Variants in KCNQ4 observed in about 807,000 individuals in gnomAD.
KCNQ4 encodes the protein potassium voltage-gated channel subfamily KQT member 4.
A neutral mutation model predicts 72.6 loss-of-function variants in KCNQ4; 31 were observed. That is an observed-to-expected ratio of 0.43 (90% CI 0.32 to 0.58). KCNQ4 has a LOEUF of 0.58. Among genes scored for constraint, KCNQ4 ranks in the 20% least tolerant of loss-of-function variants. The probability of loss-of-function intolerance (pLI) is 0.08; values close to 1 mark genes in which losing one functional copy is unlikely to be tolerated. For synonymous variants in KCNQ4, 405 were observed against 403.7 expected, an observed-to-expected ratio of 1.00 and a Z score of -0.04; for missense variants, 869 against 962.6, an observed-to-expected ratio of 0.90 and a Z score of 1.29.
chr1:40,789,415 C>G (rs1023594134), intron 1 of KCNQ4, among the ~76,000 whole-genome samples: 11 of 152,156 alleles, frequency 7.2e-5, no homozygotes, highest in African/African-American at 2.7e-4. Context: ...GAACTTTGCC[C>G]TTGTGATTGG....
intron 1 of KCNQ4, among the ~76,000 whole-genome samples, chr1:40,816,524 C>A (rs1360155090): frequency 1.3e-5 from 2 of 152,152 alleles, no homozygotes; most frequent in Non-Finnish European, 2.9e-5. Flanking sequence ...TCGTGGTGCA[C>A]TGGGGGATGA....
chr1:40,784,734 T>G lies in KCNQ4; in HGVS notation c.314+327T>G, dbSNP rs1647186365. Among the ~76,000 whole-genome samples the G allele has an allele frequency of 6.6e-6, 1 of 152,198 alleles. No individual in the cohort carries two copies. On this transcript the variant is annotated intron_variant, in intron 1 of 13. Coordinates refer to ENST00000347132, the MANE Select transcript of KCNQ4 (RefSeq NM_004700.4). This position sits in a 1 kb window ranked among gnomAD's most constrained non-coding sequence, Gnocchi z 4.1. ...TCCCCCAAGTCCGCTTGGCGAAGTC[T>G]GGGGCCCCTGGAGTGGGCGCCCTTT...
chr1:40,801,123 T>C (rs1647560580), intron 1 of KCNQ4, among the ~76,000 whole-genome samples: 2 of 111,000 alleles, frequency 1.8e-5, no homozygotes, highest in Admixed American at 2.3e-4. Flanking sequence ...GTAAGTGGAC[T>C]GGAGGTGGGG....
intron 7 of KCNQ4, among the ~76,000 whole-genome samples, chr1:40,821,071 C>T (rs981742577): frequency 2.6e-5 from 4 of 152,308 alleles, no homozygotes; most frequent in East Asian, 3.9e-4. Flanking sequence ...TCCTCCCTGT[C>T]GCTGTTATCT....
chr1:40,816,298 C>T (rs1295147781), intron 1 of KCNQ4, among the ~76,000 whole-genome samples: 1 of 152,124 alleles, frequency 6.6e-6, no homozygotes, highest in Non-Finnish European at 1.5e-5. Context: ...TCCTGGAGGC[C>T]ACCTCATTCG....
intron 1 of KCNQ4, among the ~76,000 whole-genome samples, chr1:40,802,275 T>A (rs535433919): frequency 1.3e-5 from 2 of 150,946 alleles, no homozygotes; most frequent in African/African-American, 4.9e-5. Flanking sequence ...TGGCGTCGCG[T>A]CCCCCCTCTC....
chr1:40,822,198 T>C, intron 7 of KCNQ4, 116 bp from the exon 8 acceptor site: 1 of 865,294 alleles, frequency 1.2e-6, no homozygotes, highest in Admixed American at 1.9e-5. Flanking sequence ...GGAACTGGCC[T>C]CTGGCTCTGG....
chr1:40,837,921 CCCGG>C, intron 13 of KCNQ4, 127 bp downstream of exon 13: 1 of 1,329,196 alleles, frequency 7.5e-7, no homozygotes, highest in Non-Finnish European at 1.0e-6. Context: ...GAGCCCCCTC[CCCGG>C]CCGAAGCCCC....
intron 12 of KCNQ4, among the ~76,000 whole-genome samples, chr1:40,835,988 G>A (rs549268269): frequency 3.9e-5 from 6 of 152,084 alleles, no homozygotes; most frequent in East Asian, 3.9e-4. Flanking sequence ...CTGCAAAGAC[G>A]TTGGTGTTCA....
intron 1 of KCNQ4, among the ~76,000 whole-genome samples, chr1:40,816,185 C>T (rs1401018223): frequency 6.6e-6 from 1 of 152,062 alleles, no homozygotes; most frequent in Non-Finnish European, 1.5e-5. Context: ...GGAAGGCTGG[C>T]GGGTCAGTAC....
At chr1:40,800,909 C>T (rs1391673394) in intron 1 of KCNQ4, among the ~76,000 whole-genome samples, 1 of 152,208 alleles carries the variant, frequency 6.6e-6, no homozygotes, top group African/African-American at 2.4e-5. Flanking sequence ...GGAAGAGAGA[C>T]AGCCCAAGAA....
intron 1 of KCNQ4, among the ~76,000 whole-genome samples, chr1:40,792,899 T>C (rs902471506): frequency 3.9e-5 from 6 of 152,026 alleles, no homozygotes; most frequent in African/African-American, 9.7e-5. Flanking sequence ...AGGCAGGATT[T>C]GAACCTAGCA....
rs10707921 is a variant in KCNQ4 at position 40,792,991 on chromosome 1, CT to C, written c.314+8588del. ...GCCCCTGTGGGCCCTTCTTTCTTTT[CT>C]TTTCTTTCTTTCTTTTTTTTTTTTT... On this transcript the variant is annotated intron_variant, in intron 1 of 13. Transcript: ENST00000347132. Among the ~76,000 whole-genome samples the C allele has an allele frequency of 6.0e-3, 841 of 141,194 alleles. 7 individuals are homozygous for C. The highest frequency in any genetic ancestry group is 0.021 in the African/African-American group (806 of 37,640). The allele number at this position is 141,194 out of a possible 152,430, so 92.6% of individuals were successfully genotyped here.
Position 40,784,428 on chromosome 1 carries a change from C to A in KCNQ4, c.314+21C>A. The A allele has an allele frequency of 6.2e-7, 1 of 1,604,100 alleles. No homozygotes were observed. The highest frequency in any genetic ancestry group is 8.5e-7 in the Non-Finnish European group (1 of 1,177,756). ...TTCATGTGAGTTTGCGACCCCGCGC[C>A]CTTCCGCGTTTCCCCGCGCAAGCCT... On this transcript the variant is annotated intron_variant, in intron 1 of 13. Transcript: ENST00000347132. The surrounding 1 kb of genome is among the most constrained non-coding windows in gnomAD (Gnocchi z 4.1).
chr1:40,789,934 A>G (rs1647247326), intron 1 of KCNQ4, among the ~76,000 whole-genome samples: 1 of 152,218 alleles, frequency 6.6e-6, no homozygotes. Context: ...CTACCTCCCT[A>G]GCACCAATGT....
chr1:40,808,300 A>C (rs1647823329), intron 1 of KCNQ4, among the ~76,000 whole-genome samples: 1 of 152,134 alleles, frequency 6.6e-6, no homozygotes, highest in Non-Finnish European at 1.5e-5. Context: ...CTTCTCACAC[A>C]GGCTGCTTCC....
chr1:40,784,408 G>A lies in KCNQ4; in HGVS notation c.314+1G>A. On this transcript the variant is annotated splice_donor_variant, in intron 1 of 13. Coordinates refer to ENST00000347132, the MANE Select transcript of KCNQ4 (RefSeq NM_004700.4). LOFTEE classifies it high-confidence loss of function. The surrounding 1 kb of genome is among the most constrained non-coding windows in gnomAD (Gnocchi z 4.1). ...GGGCCTTCGTCTACCACGTCTTCAT[G>A]TGAGTTTGCGACCCCGCGCCCTTCC... 1.2e-6 allele frequency: 2 copies of A among 1,607,690 alleles called. No homozygotes were observed. The highest frequency in any genetic ancestry group is 1.7e-4 in the Middle Eastern group (1 of 6,052).
At chr1:40,835,245 C>T in intron 12 of KCNQ4, 147 bp downstream of exon 12, 1 of 1,067,232 alleles carries the variant, frequency 9.4e-7, no homozygotes, top group Non-Finnish European at 1.3e-6. Context: ...GCTTGCAGTG[C>T]CAGCCTGAGG....
In KCNQ4 at chr1:40,838,867, G is replaced by A. The variant is rs1020953594; in HGVS notation, c.*344G>A. On this transcript the variant is annotated 3_prime_UTR_variant, in exon 14 of 14. Coordinates refer to ENST00000347132, the MANE Select transcript of KCNQ4 (RefSeq NM_004700.4). ...GTGGGAGCGGGCGCTGGGGCCCTGG[G>A]CCCTGACCCAGCTTCCAGCTATGCA... The A allele has an allele frequency of 4.9e-5, 20 of 410,012 alleles. No individual in the cohort carries two copies. Among genetic ancestry groups the A allele is most frequent in the African/African-American group, 3.8e-4 (19 of 49,458 alleles). 25.4% of individuals were successfully genotyped at this position (410,012 alleles called of 1,614,324 possible). A position where few individuals can be genotyped will look rare whatever the true frequency, so the allele number is the denominator to read the frequency against.
Sources: allele counts gnomAD v4.1 joint callset (sites outside exome capture counted in the v4.1 genomes callset), GRCh38; gene constraint gnomAD v4.1.1; non-coding constraint Gnocchi (gnomAD v3.1); transcripts MANE v1.5; gene names NCBI Gene and HGNC (gene_info 2026-07-23, HGNC 2026-07-21).